The following ORC5 variants were observed in gnomAD, a reference collection of about 807,000 sequenced individuals.
ORC5 encodes the protein protein phosphatase 1, regulatory subunit 117.
ORC5 carries 39 observed loss-of-function variants against 58.8 expected under a neutral mutation model. That is an observed-to-expected ratio of 0.66 (90% CI 0.51 to 0.87). ORC5 has a LOEUF of 0.87. Ranked by LOEUF, ORC5 falls within the 40% of genes least tolerant of loss-of-function variation. ORC5 has a pLI of 0.00. For missense variants in ORC5, 493 were observed against 506.3 expected (o/e 0.97, Z 0.25); for synonymous variants, 218 against 177.6 (o/e 1.23, Z -1.81).
At chr7:104,174,954 C>A (rs1799293028) in intron 8 of ORC5, among the ~76,000 whole-genome samples, 1 of 152,168 alleles carries the variant, frequency 6.6e-6, no homozygotes, top group Non-Finnish European at 1.5e-5. Context: ...GTTGTAGGAA[C>A]CCAGAAGTAA....
chr7:104,176,018 T>TG (rs1425088355), intron 8 of ORC5, among the ~76,000 whole-genome samples: 1 of 152,228 alleles, frequency 6.6e-6, no homozygotes, highest in Non-Finnish European at 1.5e-5. Flanking sequence ...TTATCCAAAA[T>TG]GTTGGTACAC....
At chr7:104,186,332 G>A (rs1445669625) in intron 6 of ORC5, among the ~76,000 whole-genome samples, 1 of 152,034 alleles carries the variant, frequency 6.6e-6, no homozygotes, top group African/African-American at 2.4e-5. Flanking sequence ...GGAGTTGATC[G>A]CAGGGTTTGA....
chr7:104,141,655 C>A (rs2115772027), intron 12 of ORC5, among the ~76,000 whole-genome samples: 1 of 152,102 alleles, frequency 6.6e-6, no homozygotes, highest in South Asian at 2.1e-4. Context: ...ATACAAAAAT[C>A]AACAAACATG....
chr7:104,184,736 C>T (rs1799508058), intron 6 of ORC5, among the ~76,000 whole-genome samples: 1 of 152,270 alleles, frequency 6.6e-6, no homozygotes, highest in South Asian at 2.1e-4. Flanking sequence ...AATAAGAAAA[C>T]AGCAGATGCA....
intron 12 of ORC5, among the ~76,000 whole-genome samples, chr7:104,157,942 A>C (rs1185872407): frequency 6.6e-6 from 1 of 152,096 alleles, no homozygotes; most frequent in Non-Finnish European, 1.5e-5. Context: ...AGATCATATT[A>C]ACCTTTCTTT....
intron 13 of ORC5, among the ~76,000 whole-genome samples, chr7:104,130,235 T>C (rs1798492697): frequency 6.6e-6 from 1 of 152,212 alleles, no homozygotes; most frequent in South Asian, 2.1e-4. Flanking sequence ...TCATCTGTTA[T>C]CTGCCTTCTC....
intron 12 of ORC5, among the ~76,000 whole-genome samples, chr7:104,154,543 C>A (rs891504083): frequency 2.0e-5 from 3 of 151,860 alleles, no homozygotes; most frequent in Non-Finnish European, 4.4e-5. Context: ...GTGGCTGCAC[C>A]AGCACAAATG....
intron 6 of ORC5, among the ~76,000 whole-genome samples, chr7:104,186,710 T>C (rs1799551010): frequency 6.6e-6 from 1 of 152,028 alleles, no homozygotes; most frequent in Non-Finnish European, 1.5e-5. Flanking sequence ...CAAACAACAC[T>C]ATCTGAAGAA....
intron 8 of ORC5, among the ~76,000 whole-genome samples, chr7:104,178,477 T>G (rs1281538380): frequency 6.6e-6 from 1 of 152,158 alleles, no homozygotes; most frequent in Non-Finnish European, 1.5e-5. Context: ...GCCAGATGGG[T>G]AGCTTGCAAA....
At position 104,136,694 on chromosome 7, in the gene ORC5, G is replaced by T; in HGVS notation, c.1262+87C>A. 1.2e-6 allele frequency: 1 copy of T among 814,456 alleles called. No individual in the cohort carries two copies. Among genetic ancestry groups the T allele is most frequent in the Non-Finnish European group, 2.0e-6 (1 of 492,184 alleles). 50.5% of individuals were successfully genotyped at this position (814,456 alleles called of 1,614,324 possible). A position where few individuals can be genotyped will look rare whatever the true frequency, so the allele number is the denominator to read the frequency against. ...GCACTTAAATAGATGATTTTTTCAT[G>T]TTTAAATGTCATGACTAATGACATC... On this transcript the variant is annotated intron_variant, in intron 13 of 13. Coordinates refer to ENST00000297431, the MANE Select transcript of ORC5 (RefSeq NM_002553.4). The surrounding 1 kb of genome is among the most constrained non-coding windows in gnomAD (Gnocchi z 4.2).
In ORC5 at chr7:104,183,988, T is replaced by C. The variant is rs558148117; in HGVS notation, c.779A>G (p.His260Arg). The change falls in exon 8 of 14, where the codon CAT becomes CGT. Residue 260 changes from histidine (H) to arginine (R), a missense_variant. By Grantham distance (29) the His-to-Arg change is conservative (BLOSUM62 0). Around this residue, in one of 3 missense-constraint regions of ORC5, gnomAD observed 412 missense variants for 403.7 expected, o/e 1.02. Coordinates refer to ENST00000297431, the MANE Select transcript of ORC5 (RefSeq NM_002553.4). The stretch of plus-strand genomic sequence containing the variant: ...AACAGTCTGCATAGCTTTCTTCAAA[T>C]GAGGTTCAATATTTCTCCACAGTTT... ...TRKLWRNIEP[H>R]LKKAMQTVYL... 8.4e-5 allele frequency: 136 copies of C among 1,613,788 alleles called. 4 individuals carry two copies. In the South Asian group the frequency reaches 9.8e-4, roughly 12 times the overall value.
intron 13 of ORC5, among the ~76,000 whole-genome samples, chr7:104,132,025 G>A (rs568736129): frequency 1.9e-4 from 29 of 152,118 alleles, no homozygotes; most frequent in African/African-American, 6.8e-4. Flanking sequence ...TTTATAATGG[G>A]CAACACAATA....
chr7:104,152,884 G>A (rs939142373), intron 12 of ORC5, among the ~76,000 whole-genome samples: 8 of 152,070 alleles, frequency 5.3e-5, no homozygotes, highest in African/African-American at 1.9e-4. Context: ...AAATCCCTTA[G>A]GCAGTTTTTT....
intron 12 of ORC5, among the ~76,000 whole-genome samples, chr7:104,137,398 G>T (rs550505396): frequency 1.3e-5 from 2 of 152,072 alleles, no homozygotes; most frequent in Non-Finnish European, 1.5e-5. Context: ...TGATACAGGA[G>T]GGGGGCAGGG....
chr7:104,149,028 C>T (rs1007496338), intron 12 of ORC5, among the ~76,000 whole-genome samples: 54 of 99,748 alleles, frequency 5.4e-4, no homozygotes, highest in Middle Eastern at 4.3e-3. Flanking sequence ...AGTAAGACTC[C>T]GTCTCAAAAA....
rs150950706 is a variant in ORC5, at chr7:104,185,435, A to C, written c.685-1264T>G. Among the ~76,000 whole-genome samples, 812 of 152,286 alleles carry C rather than the reference A, an allele frequency of 5.3e-3. 14 individuals carry two copies. Among genetic ancestry groups the C allele is most frequent in the African/African-American group, 0.018 (754 of 41,550 alleles). ...TGTCACATAGAACCATAAAACATAT[A>C]ATGAAAAACCTCAAGCACAAATAAT... is the stretch of plus-strand genomic sequence containing the variant. On this transcript the variant is annotated intron_variant, in intron 6 of 13. Coordinates refer to ENST00000297431, the MANE Select transcript of ORC5 (RefSeq NM_002553.4).
At chr7:104,155,329 AT>A (rs1322529727) in intron 12 of ORC5, among the ~76,000 whole-genome samples, 1 of 151,628 alleles carries the variant, frequency 6.6e-6, no homozygotes, top group Non-Finnish European at 1.5e-5. Flanking sequence ...AACACTCTAA[AT>A]TTTTTATTAT....
chr7:104,160,013 T>C (rs1798997109), intron 12 of ORC5, among the ~76,000 whole-genome samples: 1 of 152,160 alleles, frequency 6.6e-6, no homozygotes, highest in Non-Finnish European at 1.5e-5. Context: ...TTTAAAGTTA[T>C]CAGCATTAGT....
chr7:104,153,548 T>G (rs1269523805), intron 12 of ORC5, among the ~76,000 whole-genome samples: 1 of 152,208 alleles, frequency 6.6e-6, no homozygotes, highest in African/African-American at 2.4e-5. Context: ...ATTCAAGCTA[T>G]TTTCTATGAT....
Sources: allele counts gnomAD v4.1 joint callset (sites outside exome capture counted in the v4.1 genomes callset), GRCh38; gene constraint gnomAD v4.1.1; regional missense constraint gnomAD v4.1.1; non-coding constraint Gnocchi (gnomAD v3.1); transcripts MANE v1.5; gene names NCBI Gene and HGNC (gene_info 2026-07-23, HGNC 2026-07-21).